Variants in RPS6KC1 observed in about 807,000 individuals in gnomAD.
RPS6KC1 encodes inactive ribosomal protein S6 kinase delta-1.
RPS6KC1 carries 54 observed loss-of-function variants against 103.8 expected under a neutral mutation model. That is an observed-to-expected ratio of 0.52 (90% CI 0.42 to 0.65). RPS6KC1 has a LOEUF of 0.65. Ranked by LOEUF, RPS6KC1 falls within the 30% of genes least tolerant of loss-of-function variation. The pLI is 0.00. For synonymous variants in RPS6KC1, 439 were observed against 438.7 expected (o/e 1.00, Z -0.01); for missense variants, 1,151 against 1,253.8 (o/e 0.92, Z 1.24).
chr1:213,584,047 G>T, the RPS6KC1 span, among the ~76,000 whole-genome samples: 1 of 151,934 alleles, frequency 6.6e-6, no homozygotes, highest in African/African-American at 2.4e-5. Flanking sequence ...ATTGAATCAT[G>T]GGGTGGTTTC....
the RPS6KC1 span, among the ~76,000 whole-genome samples, chr1:213,810,151 G>A: frequency 1.3e-5 from 2 of 152,192 alleles, no homozygotes; most frequent in Admixed American, 6.5e-5. Flanking sequence ...GTGGAATCAG[G>A]CAAGTTGCTG....
At chr1:213,496,327 CTG>C in the RPS6KC1 span, among the ~76,000 whole-genome samples, 1 of 152,006 alleles carries the variant, frequency 6.6e-6, no homozygotes, top group Non-Finnish European at 1.5e-5. Flanking sequence ...CAAGAGACAT[CTG>C]TAAAAAAAAT....
rs2095101672 is a variant in RPS6KC1 at position 213,274,433 on chromosome 1, A to G, written c.*1799A>G. On this transcript the variant is annotated 3_prime_UTR_variant, in exon 15 of 15. Transcript: ENST00000366960. ...ACATGATTTGAGTCTCTTGGATTCA[A>G]AGGACATTAATGTCAACAGATGGTT... The G allele has an allele frequency of 6.6e-6, 1 of 152,226 alleles. No homozygotes were observed. Among genetic ancestry groups the G allele is most frequent in the Non-Finnish European group, 1.5e-5 (1 of 68,050 alleles). The allele number at this position is 152,226 out of a possible 1,614,324, so 9.4% of individuals were successfully genotyped here.
chr1:213,386,338 A>G, the RPS6KC1 span, among the ~76,000 whole-genome samples: 2 of 152,312 alleles, frequency 1.3e-5, no homozygotes, highest in Admixed American at 1.3e-4. Context: ...TAAATTGCCC[A>G]GCCTCAGGTA....
the RPS6KC1 span, among the ~76,000 whole-genome samples, chr1:213,479,430 C>T: frequency 6.6e-6 from 1 of 152,164 alleles, no homozygotes; most frequent in East Asian, 1.9e-4. Flanking sequence ...AGGGTGGAAA[C>T]TGGCATCTTG....
At chr1:213,232,632 C>A (rs536752198) in intron 10 of RPS6KC1, among the ~76,000 whole-genome samples, 11 of 152,118 alleles carry the variant, frequency 7.2e-5, no homozygotes, top group African/African-American at 2.7e-4. Flanking sequence ...AAAAGCATCC[C>A]CTGAAGAATT....
chr1:213,310,698 C>T, the RPS6KC1 span, among the ~76,000 whole-genome samples: 17 of 152,306 alleles, frequency 1.1e-4, no homozygotes, highest in South Asian at 2.3e-3. Context: ...TGTTTGAACA[C>T]GAACGTAGTC....
chr1:213,715,566 T>C, the RPS6KC1 span, among the ~76,000 whole-genome samples: 1 of 152,232 alleles, frequency 6.6e-6, no homozygotes, highest in Non-Finnish European at 1.5e-5. Flanking sequence ...CAGAGAATTC[T>C]AGTTGACATT....
intron 8 of RPS6KC1, among the ~76,000 whole-genome samples, chr1:213,223,410 C>G (rs545518473): frequency 6.6e-6 from 1 of 152,268 alleles, no homozygotes; most frequent in East Asian, 1.9e-4. Flanking sequence ...ATCACTCTTA[C>G]GCCTTTGCAT....
chr1:213,051,324 T>C lies in RPS6KC1; in HGVS notation c.-81T>C, dbSNP rs949051294. ...GCCCCCTCGCCGCTTCGCCGCTGCG[T>C]TGGGGAACCTGGACCGCGGCGGCGC... On this transcript the variant is annotated 5_prime_UTR_variant, in exon 1 of 15. Coordinates refer to ENST00000366960, the MANE Select transcript of RPS6KC1 (RefSeq NM_012424.6). 3.7e-6 allele frequency: 4 copies of C among 1,079,798 alleles called. No homozygotes were observed. The highest frequency in any genetic ancestry group is 5.6e-6 in the Non-Finnish European group (4 of 716,114). The allele number at this position is 1,079,798 out of a possible 1,614,324, so 66.9% of individuals were successfully genotyped here.
chr1:213,093,281 G>A (rs1338214420), intron 3 of RPS6KC1, among the ~76,000 whole-genome samples: 2 of 151,250 alleles, frequency 1.3e-5, no homozygotes, highest in African/African-American at 4.9e-5. Context: ...CGCCATCTCG[G>A]CTCACTGAAA....
the RPS6KC1 span, among the ~76,000 whole-genome samples, chr1:213,470,646 G>T: frequency 7.8e-6 from 1 of 127,640 alleles, no homozygotes; most frequent in Non-Finnish European, 1.6e-5. Context: ...TAGAGATGGG[G>T]TCTCACTGTG....
the RPS6KC1 span, among the ~76,000 whole-genome samples, chr1:213,372,439 C>G: frequency 6.6e-6 from 1 of 152,176 alleles, no homozygotes; most frequent in Admixed American, 6.5e-5. Flanking sequence ...CCTGGCCTTA[C>G]GGGATTGGGC....
Position 213,219,681 on chromosome 1 carries a change from A to G in RPS6KC1, c.1045-10816A>G, listed in dbSNP as rs963424390. Reference sequence around the variant, plus strand: ...ACACCATGGAGTACTATGCAGCCATATAAAAGGATGAGTTCATGTCCTTTG... The same window carrying G: ...ACACCATGGAGTACTATGCAGCCATGTAAAAGGATGAGTTCATGTCCTTTG... On this transcript the variant is annotated intron_variant, in intron 8 of 14. Coordinates refer to ENST00000366960, the MANE Select transcript of RPS6KC1 (RefSeq NM_012424.6). 2.6e-5 allele frequency among the ~76,000 whole-genome samples: 4 copies of G among 152,190 alleles called. No individual in the cohort carries two copies. In the East Asian group the frequency reaches 7.7e-4, roughly 29 times the overall value.
chr1:213,562,359 G>GTTTTTTTTTTTTTTTT, the RPS6KC1 span, among the ~76,000 whole-genome samples: 1 of 36,278 alleles, frequency 2.8e-5, no homozygotes, highest in Non-Finnish European at 4.8e-5. Flanking sequence ...GAAAAGTTCT[G>GTTTTTTTTTTTTTTTT]TTTTTTTTTT....
the RPS6KC1 span, among the ~76,000 whole-genome samples, chr1:213,474,353 G>C: frequency 6.6e-6 from 1 of 151,546 alleles, no homozygotes; most frequent in Non-Finnish European, 1.5e-5. Flanking sequence ...GGTTTCTGAG[G>C]GTGGACACAA....
At chr1:213,705,304 C>T in the RPS6KC1 span, among the ~76,000 whole-genome samples, 1 of 152,196 alleles carries the variant, frequency 6.6e-6, no homozygotes, top group Admixed American at 6.5e-5. Context: ...TGTTCTGTTG[C>T]ACTGCAGTTG....
At chr1:213,201,740 A>T (rs1472702028) in intron 8 of RPS6KC1, among the ~76,000 whole-genome samples, 1 of 152,202 alleles carries the variant, frequency 6.6e-6, no homozygotes, top group Admixed American at 6.5e-5. Flanking sequence ...AATTGTTCTA[A>T]AAAATGAAGT....
At chr1:213,195,249 G>GACATAGAAC (rs1198503384) in intron 8 of RPS6KC1, among the ~76,000 whole-genome samples, 1 of 152,148 alleles carries the variant, frequency 6.6e-6, no homozygotes, top group Non-Finnish European at 1.5e-5. Context: ...TTGATAAGAT[G>GACATAGAAC]ACATAGAACT....
Sources: gnomAD v4.1 joint callset for allele counts (sites outside exome capture counted in the v4.1 genomes callset) on GRCh38, gnomAD v4.1.1 for gene constraint, MANE v1.5 for transcripts, NCBI Gene and HGNC (gene_info 2026-07-23, HGNC 2026-07-21) for gene names.